ESR1: variants seen among roughly 807,000 people sequenced by gnomAD.
The protein encoded by ESR1 is estrogen receptor 1.
ESR1 carries 12 observed loss-of-function variants against 52.7 expected under a neutral mutation model. That is an observed-to-expected ratio of 0.23 (90% CI 0.15 to 0.37). The LOEUF (loss-of-function observed/expected upper bound fraction) is 0.37. ESR1 is among the 10% of genes least tolerant of loss of function. The pLI is 1.00. For synonymous variants in ESR1, 305 were observed against 316.8 expected (o/e 0.96, Z 0.39); for missense variants, 584 against 779.7 (o/e 0.75, Z 2.99).
intron 5 of ESR1, among the ~76,000 whole-genome samples, chr6:152,037,742 T>G (rs1311774470): frequency 6.6e-6 from 1 of 152,196 alleles, no homozygotes; most frequent in African/African-American, 2.4e-5. Flanking sequence ...ATCTTTCTGC[T>G]GGAAAAATGA....
intron 3 of ESR1, among the ~76,000 whole-genome samples, chr6:151,922,111 A>G (rs2031814721): frequency 6.6e-6 from 1 of 152,178 alleles, no homozygotes; most frequent in Admixed American, 6.5e-5. Context: ...GTACAAATAC[A>G]GACACATAGA....
At chr6:151,910,650 A>T (rs1412752643) in intron 3 of ESR1, among the ~76,000 whole-genome samples, 1 of 152,164 alleles carries the variant, frequency 6.6e-6, no homozygotes, top group Non-Finnish European at 1.5e-5. Flanking sequence ...ATTTCTAAAT[A>T]TTCCTGTCAA....
At chr6:151,701,983 C>T (rs1282099914) in exon 2 of ESR1, 1 of 152,180 alleles carries the variant, frequency 6.6e-6, no homozygotes, top group Non-Finnish European at 1.5e-5. Flanking sequence ...AGATTTTAAT[C>T]TGAACTTTGA....
intron 4 of ESR1, among the ~76,000 whole-genome samples, chr6:151,998,861 G>A (rs187642045): frequency 6.6e-6 from 1 of 152,212 alleles, no homozygotes; most frequent in Admixed American, 6.5e-5. Flanking sequence ...CCATTGGAAT[G>A]ATTTGGTTTT....
chr6:152,051,949 G>A (rs1466698694), intron 5 of ESR1, among the ~76,000 whole-genome samples: 4 of 152,186 alleles, frequency 2.6e-5, no homozygotes, highest in African/African-American at 9.7e-5. Flanking sequence ...GTCGGGGCTT[G>A]TGTTAGTCCA....
At chr6:151,765,614 AT>A (rs1784990012) in intron 2 of ESR1, among the ~76,000 whole-genome samples, 1 of 152,164 alleles carries the variant, frequency 6.6e-6, no homozygotes, top group South Asian at 2.1e-4. Context: ...CATTAGTTCC[AT>A]GTCGACCCTG....
intron 5 of ESR1, among the ~76,000 whole-genome samples, chr6:152,025,327 A>T (rs2044055817): frequency 6.6e-6 from 1 of 150,580 alleles, no homozygotes; most frequent in African/African-American, 2.4e-5. Context: ...GATCTTTAAG[A>T]TGTAAAATAT....
intron 1 of ESR1, among the ~76,000 whole-genome samples, chr6:151,680,651 G>A (rs1396987220): frequency 6.6e-6 from 1 of 152,094 alleles, no homozygotes; most frequent in African/African-American, 2.4e-5. Flanking sequence ...CCATCATATT[G>A]GGGGTTTGGA....
At chr6:151,923,968 C>T (rs1302456268) in intron 3 of ESR1, among the ~76,000 whole-genome samples, 4 of 152,180 alleles carry the variant, frequency 2.6e-5, no homozygotes, top group African/African-American at 7.2e-5. Flanking sequence ...TCCTTGTCAG[C>T]ATTTGATTTT....
intron 3 of ESR1, among the ~76,000 whole-genome samples, chr6:151,903,868 T>C (rs965645013): frequency 6.6e-6 from 1 of 152,186 alleles, no homozygotes; most frequent in Non-Finnish European, 1.5e-5. Flanking sequence ...ATTAAAAAAA[T>C]ATATTTATCT....
chr6:151,696,565 C>G (rs1779366348), intron 1 of ESR1, among the ~76,000 whole-genome samples: 1 of 151,958 alleles, frequency 6.6e-6, no homozygotes, highest in Admixed American at 6.6e-5. Context: ...GTTTTCTACC[C>G]TGTGCCTTGG....
At chr6:151,872,923 C>A (rs1421921143) in intron 2 of ESR1, among the ~76,000 whole-genome samples, 2 of 152,150 alleles carry the variant, frequency 1.3e-5, no homozygotes, top group African/African-American at 2.4e-5. Context: ...AAGTATTGCC[C>A]AAATAACTTA....
intron 2 of ESR1, among the ~76,000 whole-genome samples, chr6:151,858,582 T>G (rs1472874426): frequency 9.7e-6 from 1 of 102,956 alleles, no homozygotes. Context: ...TCCGTTCCTG[T>G]TTTTTTTTTT....
At chr6:151,842,073 A>G (rs939543748) in intron 1 of ESR1, among the ~76,000 whole-genome samples, 7 of 152,202 alleles carry the variant, frequency 4.6e-5, no homozygotes, top group African/African-American at 1.7e-4. Context: ...TTTTCAAATT[A>G]CATTATTCAA....
intron 2 of ESR1, among the ~76,000 whole-genome samples, chr6:151,752,005 C>G (rs533153147): frequency 5.3e-5 from 8 of 152,290 alleles, no homozygotes; most frequent in Non-Finnish European, 1.2e-4. Flanking sequence ...ATTTCTGTCT[C>G]TATGCATTTA....
chr6:151,851,693 A>G (rs1786757355), intron 2 of ESR1, among the ~76,000 whole-genome samples: 1 of 152,012 alleles, frequency 6.6e-6, no homozygotes. Flanking sequence ...ATGCCTGGCT[A>G]GTTTTTATAT....
At chr6:152,065,261 AATTG>A (rs2047874552) in intron 6 of ESR1, among the ~76,000 whole-genome samples, 1 of 152,214 alleles carries the variant, frequency 6.6e-6, no homozygotes, top group South Asian at 2.1e-4. Context: ...TGTGGATAAT[AATTG>A]ATTGTGATTG....
At chr6:151,776,624 G>T (rs974816204) in intron 2 of ESR1, among the ~76,000 whole-genome samples, 3 of 152,202 alleles carry the variant, frequency 2.0e-5, no homozygotes, top group African/African-American at 7.2e-5. Context: ...GATCATCTGA[G>T]GTCAGGAGTT....
chr6:151,943,416 A>C (rs554638112), intron 3 of ESR1, among the ~76,000 whole-genome samples: 3 of 149,916 alleles, frequency 2.0e-5, no homozygotes, highest in African/African-American at 7.5e-5. Flanking sequence ...CAAAAAAAAA[A>C]CCACCTTTGG....
Sources: allele counts gnomAD v4.1 joint callset (sites outside exome capture counted in the v4.1 genomes callset), GRCh38; gene constraint gnomAD v4.1.1; transcripts MANE v1.5; gene names NCBI Gene and HGNC (gene_info 2026-07-23, HGNC 2026-07-21).